The following CAMK1D variants were observed in gnomAD, a reference collection of about 807,000 sequenced individuals.
The protein encoded by CAMK1D is calcium/calmodulin dependent protein kinase ID.
In CAMK1D, 9 loss-of-function variants were observed where a neutral mutation model predicts 47.7. That is an observed-to-expected ratio of 0.19 (90% CI 0.11 to 0.33). The LOEUF (loss-of-function observed/expected upper bound fraction) is 0.33. CAMK1D is among the 10% of genes least tolerant of loss of function. The pLI is 1.00. For synonymous variants in CAMK1D, 184 were observed against 184.9 expected, an observed-to-expected ratio of 0.99 and a Z score of 0.04; for missense variants, 291 against 488.7, an observed-to-expected ratio of 0.60 and a Z score of 3.81.
At chr10:12,482,007 G>A (rs779171334) in intron 1 of CAMK1D, among the ~76,000 whole-genome samples, 2 of 152,180 alleles carry the variant, frequency 1.3e-5, no homozygotes, top group Non-Finnish European at 2.9e-5. Context: ...ATCCCTTCGT[G>A]ATCCATCACA....
chr10:12,579,646 C>A (rs1837602261), intron 2 of CAMK1D, among the ~76,000 whole-genome samples: 1 of 152,186 alleles, frequency 6.6e-6, no homozygotes. Flanking sequence ...GTACCCTTTT[C>A]TTTCCCTACC....
chr10:12,615,954 G>A lies in CAMK1D; in HGVS notation c.225-50782G>A, dbSNP rs117384480. On this transcript the variant is annotated intron_variant, in intron 2 of 10. Coordinates refer to ENST00000619168, the MANE Select transcript of CAMK1D (RefSeq NM_153498.4). ...TGTGTTTGCAAGTGTGTTGGTGTGCGCATAGGTGTGTATGTGTGCATGTGT... is the reference window on the plus strand; with the variant it reads ...TGTGTTTGCAAGTGTGTTGGTGTGCACATAGGTGTGTATGTGTGCATGTGT... Among the ~76,000 whole-genome samples the A allele has an allele frequency of 6.0e-3, 906 of 151,210 alleles. 5 individuals carry two copies. Among genetic ancestry groups the A allele is most frequent in the East Asian group, 0.042 (214 of 5,110 alleles).
rs1171503795 is a variant in CAMK1D at position 12,824,458 on chromosome 10, G to C, written c.834-7G>C. 6.2e-7 allele frequency: 1 copy of C among 1,613,798 alleles called. No homozygotes were observed. Among genetic ancestry groups the C allele is most frequent in the African/African-American group, 1.3e-5 (1 of 75,024 alleles). On this transcript the variant is annotated splice_polypyrimidine_tract_variant and splice_region_variant and intron_variant, in intron 8 of 10. Transcript: ENST00000619168. The stretch of plus-strand genomic sequence containing the variant: ...ACTTCAGAGCAGCACCTTTGCCTCT[G>C]TTTCAGGATCGCTGGTGACACAGCC...
intron 1 of CAMK1D, among the ~76,000 whole-genome samples, chr10:12,447,779 C>G (rs1380439756): frequency 1.3e-5 from 2 of 152,240 alleles, no homozygotes; most frequent in African/African-American, 4.8e-5. Flanking sequence ...ATCCTCCTGC[C>G]TCAGCCTCCT....
intron 1 of CAMK1D, among the ~76,000 whole-genome samples, chr10:12,480,629 A>G (rs1834037550): frequency 6.6e-6 from 1 of 151,590 alleles, no homozygotes; most frequent in Non-Finnish European, 1.5e-5. Context: ...TTCTCTTATC[A>G]CCCCCATGTT....
intron 2 of CAMK1D, among the ~76,000 whole-genome samples, chr10:12,587,784 A>G (rs905749800): frequency 1.3e-5 from 2 of 152,170 alleles, no homozygotes; most frequent in African/African-American, 4.8e-5. Flanking sequence ...CTGATGCTCA[A>G]GAGAGAATAG....
intron 1 of CAMK1D, among the ~76,000 whole-genome samples, chr10:12,511,043 C>T (rs1835024639): frequency 6.6e-6 from 1 of 152,198 alleles, no homozygotes; most frequent in South Asian, 2.1e-4. Context: ...ACACGGGATG[C>T]GGAATTTTAG....
chr10:12,468,956 G>A (rs963074523), intron 1 of CAMK1D, among the ~76,000 whole-genome samples: 3 of 152,094 alleles, frequency 2.0e-5, no homozygotes, highest in Non-Finnish European at 4.4e-5. Context: ...CCTCTTTCTG[G>A]TCCCAAATCT....
chr10:12,694,446 TG>T, intron 3 of CAMK1D, among the ~76,000 whole-genome samples: 5 of 83,140 alleles, frequency 6.0e-5, no homozygotes, highest in Admixed American at 1.7e-4. Context: ...ATATAAAATA[TG>T]AAATATATAT....
intron 1 of CAMK1D, among the ~76,000 whole-genome samples, chr10:12,527,020 C>CA (rs1331085806): frequency 1.3e-5 from 2 of 151,866 alleles, no homozygotes; most frequent in Admixed American, 6.6e-5. Flanking sequence ...CCCCATTTCT[C>CA]AAAAAAATAA....
At chr10:12,816,478 C>T in intron 8 of CAMK1D, 150 bp downstream of exon 8, 2 of 652,306 alleles carry the variant, frequency 3.1e-6, no homozygotes, top group Non-Finnish European at 5.4e-6. Flanking sequence ...CCTCCTCTCC[C>T]CAAGCCAACA....
chr10:12,685,931 T>TA (rs1464815885), intron 3 of CAMK1D, among the ~76,000 whole-genome samples: 1 of 152,194 alleles, frequency 6.6e-6, no homozygotes, highest in Non-Finnish European at 1.5e-5. Flanking sequence ...AAGTACATCT[T>TA]ACTTTGTTCC....
At chr10:12,366,750 A>G (rs1217606479) in intron 1 of CAMK1D, among the ~76,000 whole-genome samples, 1 of 151,968 alleles carries the variant, frequency 6.6e-6, no homozygotes, top group Non-Finnish European at 1.5e-5. Context: ...GAGAGACCCC[A>G]GAGATTAGTG....
At position 12,582,434 on chromosome 10, in the gene CAMK1D, G is replaced by A. The variant is rs1382101262; in HGVS notation, c.224+29078G>A. ...TCTAGTTCTGTGAATAATGATGGTG[G>A]TATTTTGATGGGAATTGCATGCTTT... On this transcript the variant is annotated intron_variant, in intron 2 of 10. Transcript: ENST00000619168. 5.3e-5 allele frequency among the ~76,000 whole-genome samples: 8 copies of A among 152,068 alleles called. No individual in the cohort carries two copies. In the East Asian group the frequency reaches 1.3e-3, roughly 26 times the overall value.
At chr10:12,475,218 A>T (rs116232771) in intron 1 of CAMK1D, among the ~76,000 whole-genome samples, 112 of 152,232 alleles carry the variant, frequency 7.4e-4, no homozygotes, top group African/African-American at 2.6e-3. Flanking sequence ...ACCACCATCC[A>T]TGTTTTGAAC....
At chr10:12,411,308 C>T (rs1157623783) in intron 1 of CAMK1D, among the ~76,000 whole-genome samples, 1 of 152,192 alleles carries the variant, frequency 6.6e-6, no homozygotes, top group Non-Finnish European at 1.5e-5. Flanking sequence ...AACATTAGAG[C>T]TTTAGGCTGT....
At chr10:12,367,077 C>G (rs984128604) in intron 1 of CAMK1D, among the ~76,000 whole-genome samples, 1 of 152,144 alleles carries the variant, frequency 6.6e-6, no homozygotes, top group Admixed American at 6.5e-5. Flanking sequence ...CAAGATGAGA[C>G]CTGACGCCAC....
intron 2 of CAMK1D, among the ~76,000 whole-genome samples, chr10:12,577,090 C>G (rs969332783): frequency 2.6e-5 from 4 of 152,208 alleles, no homozygotes; most frequent in African/African-American, 9.7e-5. Flanking sequence ...GGCTGGGGCA[C>G]TTGCAGGAGG....
intron 1 of CAMK1D, among the ~76,000 whole-genome samples, chr10:12,463,763 A>G (rs1344859007): frequency 6.6e-6 from 1 of 152,092 alleles, no homozygotes; most frequent in Non-Finnish European, 1.5e-5. Flanking sequence ...TATAATTCCT[A>G]TAAATCCCCA....
Sources: gnomAD v4.1 joint callset for allele counts (sites outside exome capture counted in the v4.1 genomes callset) on GRCh38, gnomAD v4.1.1 for gene constraint, MANE v1.5 for transcripts, NCBI Gene and HGNC (gene_info 2026-07-23, HGNC 2026-07-21) for gene names.